Variants in TMOD2 observed in about 807,000 individuals in gnomAD.
TMOD2 encodes the protein tropomodulin 2, also known as tropomodulin-2.
In TMOD2, 22 loss-of-function variants were observed where a neutral mutation model predicts 39.9. The ratio of observed to expected loss-of-function variants is 0.55; its 90% CI spans 0.39 to 0.79. The LOEUF is 0.79. Among genes scored for constraint, TMOD2 ranks in the 30% least tolerant of loss-of-function variants. The pLI is 0.00. For missense variants in TMOD2, 386 were observed against 413.3 expected (o/e 0.93, Z 0.57); for synonymous variants, 123 against 146.1 (o/e 0.84, Z 1.14).
chr15:51,752,268 G>A (rs1297238153), intron 1 of TMOD2, among the ~76,000 whole-genome samples: 1 of 152,092 alleles, frequency 6.6e-6, no homozygotes, highest in African/African-American at 2.4e-5. Context: ...TATTATTATT[G>A]TTATTACTTT....
chr15:51,803,184 T>TTC (rs1555463180), intron 8 of TMOD2, among the ~76,000 whole-genome samples: 67 of 139,720 alleles, frequency 4.8e-4, no homozygotes, highest in Non-Finnish European at 7.1e-4. Context: ...TTTTTTTTTT[T>TTC]TTTTTTTCTT....
rs1395515840 is a variant in TMOD2, at chr15:51,814,758, A to G, written c.*6304A>G. 4 of 152,212 alleles carry G rather than the reference A, an allele frequency of 2.6e-5. No individual in the cohort carries two copies. The highest frequency in any genetic ancestry group is 4.8e-5 in the African/African-American group (2 of 41,430). 9.4% of individuals were successfully genotyped at this position (152,212 alleles called of 1,614,324 possible). ...CTCCCTAAGGTCCCTTCCAGCTCCA[A>G]TACTTGACAAGCTTGTGATTCTAAA... On this transcript the variant is annotated 3_prime_UTR_variant, in exon 10 of 10. Transcript: ENST00000249700.
At chr15:51,758,756 C>A (rs1003605489) in intron 1 of TMOD2, among the ~76,000 whole-genome samples, 1 of 152,112 alleles carries the variant, frequency 6.6e-6, no homozygotes, top group African/African-American at 2.4e-5. Context: ...CAGGTCCAAA[C>A]AAGGCTTCCC....
At chr15:51,793,079 G>C (rs2056023917) in intron 7 of TMOD2, among the ~76,000 whole-genome samples, 1 of 151,952 alleles carries the variant, frequency 6.6e-6, no homozygotes, top group African/African-American at 2.4e-5. Flanking sequence ...TTATTTAGTA[G>C]CCACATTAAA....
intron 1 of TMOD2, among the ~76,000 whole-genome samples, chr15:51,763,092 G>A (rs2141614968): frequency 7.5e-6 from 1 of 133,032 alleles, no homozygotes; most frequent in Admixed American, 8.0e-5. Flanking sequence ...GTGCCACCAT[G>A]CCCAGCTAAT....
intron 7 of TMOD2, among the ~76,000 whole-genome samples, chr15:51,791,918 G>A (rs761545417): frequency 3.9e-5 from 6 of 152,092 alleles, no homozygotes; most frequent in South Asian, 2.1e-4. Context: ...AGAAAACCTG[G>A]GCAATACCAT....
At chr15:51,751,891 C>T (rs2055706444) in intron 1 of TMOD2, among the ~76,000 whole-genome samples, 179 bp downstream of exon 1, 1 of 147,020 alleles carries the variant, frequency 6.8e-6, no homozygotes. Flanking sequence ...CCTCCCGGCC[C>T]GGTCGGCTGC....
intron 1 of TMOD2, among the ~76,000 whole-genome samples, chr15:51,765,050 T>C (rs1215685110): frequency 6.6e-6 from 1 of 152,118 alleles, no homozygotes; most frequent in Non-Finnish European, 1.5e-5. Flanking sequence ...TCACCCAGGC[T>C]GGAGTGCAGT....
At chr15:51,774,435 A>G (rs940525115) in intron 4 of TMOD2, among the ~76,000 whole-genome samples, 10 of 152,208 alleles carry the variant, frequency 6.6e-5, no homozygotes, top group Non-Finnish European at 1.5e-4. Flanking sequence ...CAGTAGATTT[A>G]TATATTAGAT....
chr15:51,801,275 A>ACACACACACACG (rs1313039133), intron 8 of TMOD2, among the ~76,000 whole-genome samples: 26 of 140,944 alleles, frequency 1.8e-4, no homozygotes, highest in African/African-American at 6.9e-4. Context: ...ACACACACAC[A>ACACACACACACG]CACACACACC....
chr15:51,791,604 T>G (rs553226996), intron 7 of TMOD2, among the ~76,000 whole-genome samples: 82 of 152,256 alleles, frequency 5.4e-4, no homozygotes, highest in African/African-American at 1.9e-3. Flanking sequence ...GACTTCAAAC[T>G]TTACTATAAG....
chr15:51,767,135 C>T (rs1242831185), intron 2 of TMOD2: 1 of 152,116 alleles, frequency 6.6e-6, no homozygotes, highest in African/African-American at 2.4e-5. Context: ...AAGCGATTCT[C>T]CTACCTCAGC....
intron 1 of TMOD2, among the ~76,000 whole-genome samples, chr15:51,757,295 G>A (rs530849954): frequency 3.2e-4 from 49 of 151,468 alleles, no homozygotes; most frequent in South Asian, 1.9e-3. Flanking sequence ...CCAGCTTCTC[G>A]GGAGGCTGAG....
At chr15:51,799,244 G>A (rs187773151) in intron 8 of TMOD2, among the ~76,000 whole-genome samples, 7 of 152,306 alleles carry the variant, frequency 4.6e-5, no homozygotes, top group East Asian at 3.9e-4. Flanking sequence ...ATGAGCATTC[G>A]TTCCCCTGTG....
intron 7 of TMOD2, 61 bp from the exon 8 acceptor site, chr15:51,798,136 G>A (rs2056064101): frequency 6.8e-7 from 1 of 1,468,972 alleles, no homozygotes; most frequent in Admixed American, 2.5e-5. Context: ...GAGGGGTTTA[G>A]TAAATTAATC....
intron 1 of TMOD2, among the ~76,000 whole-genome samples, chr15:51,761,143 T>C (rs1169846064): frequency 6.6e-6 from 1 of 152,212 alleles, no homozygotes; most frequent in African/African-American, 2.4e-5. Flanking sequence ...AATTATAGTG[T>C]TCTGGGTAGC....
chr15:51,789,833 C>T (rs890927097), intron 7 of TMOD2, among the ~76,000 whole-genome samples: 1 of 152,166 alleles, frequency 6.6e-6, no homozygotes, highest in African/African-American at 2.4e-5. Flanking sequence ...CACAGCGTAC[C>T]AGAATCTCTG....
intron 7 of TMOD2, among the ~76,000 whole-genome samples, chr15:51,797,575 T>G (rs2056059556): frequency 6.6e-6 from 1 of 152,214 alleles, no homozygotes; most frequent in Non-Finnish European, 1.5e-5. Flanking sequence ...AAAAATTATA[T>G]TATTTCTTCC....
chr15:51,771,718 A>G (rs1484525837), intron 3 of TMOD2, among the ~76,000 whole-genome samples: 4 of 152,216 alleles, frequency 2.6e-5, no homozygotes, highest in Non-Finnish European at 5.9e-5. Flanking sequence ...ACCTAAGATC[A>G]TCTTGGCCAG....
Sources: allele counts gnomAD v4.1 joint callset (sites outside exome capture counted in the v4.1 genomes callset), GRCh38; gene constraint gnomAD v4.1.1; transcripts MANE v1.5; gene names NCBI Gene and HGNC (gene_info 2026-07-23, HGNC 2026-07-21).